The following SORCS2 variants were observed in gnomAD, a reference collection of about 807,000 sequenced individuals.
SORCS2 encodes sortilin related VPS10 domain containing receptor 2.
Under a neutral mutation model 141.6 loss-of-function variants are expected in SORCS2, and 100 were observed. That is an observed-to-expected ratio of 0.71 (90% confidence interval 0.60 to 0.83). The LOEUF (loss-of-function observed/expected upper bound fraction) is 0.83. SORCS2 is among the 40% of genes least tolerant of loss of function. The probability of loss-of-function intolerance (pLI) is 0.00; values close to 1 mark genes in which losing one functional copy is unlikely to be tolerated. For missense variants in SORCS2, 1,646 were observed against 1,560.2 expected, an observed-to-expected ratio of 1.05 and a Z score of -0.93; for synonymous variants, 789 against 676.9, an observed-to-expected ratio of 1.17 and a Z score of -2.57.
chr4:7,392,086 A>C (rs765723659), intron 1 of SORCS2, among the ~76,000 whole-genome samples: 53 of 152,206 alleles, frequency 3.5e-4, no homozygotes, highest in Non-Finnish European at 4.1e-4. Flanking sequence ...GCATGAAACC[A>C]AGCTCAGGGG....
intron 1 of SORCS2, among the ~76,000 whole-genome samples, chr4:7,290,991 C>A (rs540852626): frequency 6.6e-6 from 1 of 152,250 alleles, no homozygotes; most frequent in South Asian, 2.1e-4. Flanking sequence ...GGGAGACAGT[C>A]CTGGGACCAT....
intron 4 of SORCS2, among the ~76,000 whole-genome samples, chr4:7,649,722 G>C (rs1245174944): frequency 6.6e-6 from 1 of 152,152 alleles, no homozygotes; most frequent in African/African-American, 2.4e-5. Flanking sequence ...GGGCACACCT[G>C]CCTGTGCTGA....
At chr4:7,707,849 G>A (rs1725567667) in intron 14 of SORCS2, among the ~76,000 whole-genome samples, 1 of 152,184 alleles carries the variant, frequency 6.6e-6, no homozygotes, top group Non-Finnish European at 1.5e-5. Context: ...CGCCTGCAGG[G>A]GCCTGGCTGG....
chr4:7,399,673 A>C (rs1724446305), intron 2 of SORCS2, among the ~76,000 whole-genome samples: 1 of 152,178 alleles, frequency 6.6e-6, no homozygotes, highest in Non-Finnish European at 1.5e-5. Context: ...TGAAGTGTGC[A>C]GGGCGTGCTC....
Position 7,266,185 on chromosome 4 carries a change from C to A in SORCS2, c.480+73059C>A, listed in dbSNP as rs180931367. Among the ~76,000 whole-genome samples, 31 of 152,298 alleles carry A rather than the reference C, an allele frequency of 2.0e-4. No individual in the cohort carries two copies. The South Asian group carries it at 2.1e-3, about 10-fold the overall frequency. On this transcript the variant is annotated intron_variant, in intron 1 of 26. Coordinates refer to ENST00000507866, the MANE Select transcript of SORCS2 (RefSeq NM_020777.3). ...GGTCCAGCTCACCCCAAATCATGAG[C>A]TCCCTGGAGCTCCCAGCCAATAGGG...
At chr4:7,737,697 G>A (rs1008797799) in intron 26 of SORCS2, among the ~76,000 whole-genome samples, 1 of 152,222 alleles carries the variant, frequency 6.6e-6, no homozygotes, top group South Asian at 2.1e-4. Flanking sequence ...GAGAAGATCA[G>A]TCATCTACAG....
chr4:7,222,376 C>G (rs1728756923), intron 1 of SORCS2, among the ~76,000 whole-genome samples: 1 of 152,188 alleles, frequency 6.6e-6, no homozygotes, highest in African/African-American at 2.4e-5. Context: ...TCAAAGAAGC[C>G]AGCCACGAAC....
At chr4:7,235,289 C>G (rs1311577827) in intron 1 of SORCS2, among the ~76,000 whole-genome samples, 1 of 152,240 alleles carries the variant, frequency 6.6e-6, no homozygotes, top group Non-Finnish European at 1.5e-5. Flanking sequence ...GGCAGGGAAA[C>G]TGGGCGTGGC....
At position 7,388,187 on chromosome 4, in the gene SORCS2, G is replaced by A. The variant is rs1335612720; in HGVS notation, c.481-8101G>A. ...ACCTGAAGCTGGGAGACAGGTAGACGGCCTGCAGAAGTCGGCTCCGTGTTG... is the reference window on the plus strand; with the variant it reads ...ACCTGAAGCTGGGAGACAGGTAGACAGCCTGCAGAAGTCGGCTCCGTGTTG... On this transcript the variant is annotated intron_variant, in intron 1 of 26. Coordinates refer to ENST00000507866, the MANE Select transcript of SORCS2 (RefSeq NM_020777.3). Among the ~76,000 whole-genome samples the A allele has an allele frequency of 4.6e-5, 7 of 152,318 alleles. No homozygotes were observed. The East Asian group carries it at 5.8e-4, about 13-fold the overall frequency.
chr4:7,597,137 AGG>A (rs1018537551), intron 3 of SORCS2, among the ~76,000 whole-genome samples: 3 of 148,896 alleles, frequency 2.0e-5, no homozygotes, highest in Admixed American at 6.7e-5. Context: ...GCAATAGGGG[AGG>A]GGACTATCCA....
At chr4:7,428,940 A>G (rs900987219) in intron 2 of SORCS2, among the ~76,000 whole-genome samples, 1 of 152,130 alleles carries the variant, frequency 6.6e-6, no homozygotes, top group African/African-American at 2.4e-5. Flanking sequence ...GAGTGAGCCG[A>G]GTGGCTGGCT....
rs540502484 is a variant in SORCS2 at position 7,657,162 on chromosome 4, GC to G, written c.887+2957del. 7.2e-5 allele frequency among the ~76,000 whole-genome samples: 11 copies of G among 152,342 alleles called. No homozygotes were observed. In the South Asian group the frequency reaches 2.1e-3, roughly 29 times the overall value. ...CACCGGTGTCTAGCCCAGGGCCTTC[GC>G]CAGTACACTGAGAAATGGCTGTGGG... On this transcript the variant is annotated intron_variant, in intron 5 of 26. Coordinates refer to ENST00000507866, the MANE Select transcript of SORCS2 (RefSeq NM_020777.3).
At chr4:7,235,685 G>C (rs1174792684) in intron 1 of SORCS2, among the ~76,000 whole-genome samples, 1 of 152,200 alleles carries the variant, frequency 6.6e-6, no homozygotes, top group Non-Finnish European at 1.5e-5. Context: ...GCCGTTGAGA[G>C]GCCAGGCCTT....
chr4:7,314,816 T>TG (rs1341949490), intron 1 of SORCS2, among the ~76,000 whole-genome samples: 217 of 107,550 alleles, frequency 2.0e-3, no homozygotes, highest in Non-Finnish European at 3.6e-3. Context: ...TTTTTTTTTT[T>TG]TTTTTTTTTT....
intron 1 of SORCS2, among the ~76,000 whole-genome samples, chr4:7,203,357 G>T (rs1005691688): frequency 9.9e-5 from 15 of 152,246 alleles, no homozygotes; most frequent in African/African-American, 3.6e-4. Context: ...CAGGGAGACG[G>T]AGATTGTAGT....
At chr4:7,736,551 G>A (rs1206987496) in intron 25 of SORCS2, among the ~76,000 whole-genome samples, 5 of 152,198 alleles carry the variant, frequency 3.3e-5, no homozygotes, top group Non-Finnish European at 7.3e-5. Context: ...CGGGTCCTGA[G>A]CCGGGTCCCA....
In SORCS2 at chr4:7,628,304, C is replaced by T. The variant is rs941829723; in HGVS notation, c.649-10024C>T. 5.9e-5 allele frequency among the ~76,000 whole-genome samples: 9 copies of T among 152,234 alleles called. No individual in the cohort carries two copies. The East Asian group carries it at 1.2e-3, about 20-fold the overall frequency. On this transcript the variant is annotated intron_variant, in intron 3 of 26. Transcript: ENST00000507866. ...TTCGGAGGCCGAGGCGGGCGGATCA[C>T]GAGGTCAGGAGATCCAGACCATCCT...
intron 3 of SORCS2, among the ~76,000 whole-genome samples, chr4:7,533,072 G>T (rs1252579078): frequency 3.3e-5 from 5 of 152,170 alleles, no homozygotes; most frequent in African/African-American, 1.2e-4. Context: ...TCCCACAGCA[G>T]CCCAAAGAGG....
intron 10 of SORCS2, among the ~76,000 whole-genome samples, chr4:7,683,380 T>C (rs10011612): frequency 0.015 from 304 of 20,152 alleles, 7 homozygotes; most frequent in Non-Finnish European, 0.021. Flanking sequence ...CTCAGCTGGG[T>C]GGCTCTGCTG....
Sources: allele counts gnomAD v4.1 joint callset (sites outside exome capture counted in the v4.1 genomes callset), GRCh38; gene constraint gnomAD v4.1.1; transcripts MANE v1.5; gene names NCBI Gene and HGNC (gene_info 2026-07-23, HGNC 2026-07-21).